IFT122: variants seen among roughly 807,000 people sequenced by gnomAD.
The protein encoded by IFT122 is intraflagellar transport protein 122 homolog.
Under a neutral mutation model 161.6 loss-of-function variants are expected in IFT122, and 118 were observed. The ratio of observed to expected loss-of-function variants is 0.73; its 90% CI spans 0.63 to 0.85. The LOEUF (loss-of-function observed/expected upper bound fraction) is 0.85, where lower values mean the gene tolerates loss of function less well. IFT122 is among the 40% of genes least tolerant of loss of function. IFT122 has a pLI of 0.00. For synonymous variants in IFT122, 550 were observed against 602.4 expected (o/e 0.91, Z 1.27); for missense variants, 1,381 against 1,579.6 (o/e 0.87, Z 2.13).
intron 4 of IFT122, chr3:129,460,884 C>G: frequency 6.2e-7 from 1 of 1,614,094 alleles, no homozygotes; most frequent in Non-Finnish European, 8.5e-7. Flanking sequence ...CATTGCACCT[C>G]CATCTTCCAT....
intron 3 of IFT122, among the ~76,000 whole-genome samples, chr3:129,453,159 G>T (rs2075055593): frequency 6.6e-6 from 1 of 152,188 alleles, no homozygotes; most frequent in Non-Finnish European, 1.5e-5. Flanking sequence ...TGTTGAGTAG[G>T]CAAGAGGAGA....
At chr3:129,480,061 T>C in intron 13 of IFT122, 139 bp downstream of exon 13, 2 of 1,108,384 alleles carry the variant, frequency 1.8e-6, no homozygotes, top group East Asian at 5.0e-5. Flanking sequence ...TGGGGCAGCC[T>C]GAGTTCAGTT....
At chr3:129,519,808 C>T (rs1019023299) in intron 29 of IFT122, 76 bp downstream of exon 29, 15 of 1,563,272 alleles carry the variant, frequency 9.6e-6, no homozygotes, top group South Asian at 6.7e-5. Context: ...CTCTGGGAGG[C>T]GTGGCCCCTG....
At chr3:129,475,472 A>G (rs2077812714) in intron 9 of IFT122, among the ~76,000 whole-genome samples, 1 of 152,126 alleles carries the variant, frequency 6.6e-6, no homozygotes, top group Non-Finnish European at 1.5e-5. Flanking sequence ...GACAACAAGG[A>G]GAAACACCGT....
chr3:129,497,045 C>T (rs2080941824), intron 18 of IFT122, among the ~76,000 whole-genome samples: 1 of 152,170 alleles, frequency 6.6e-6, no homozygotes, highest in African/African-American at 2.4e-5. Context: ...CTTTGGGAGG[C>T]TGAAGTGGGT....
In IFT122 at chr3:129,481,545, G is replaced by T. The variant is rs756772676; in HGVS notation, c.1504G>T (p.Val502Leu). 4.4e-6 allele frequency: 7 copies of T among 1,579,780 alleles called. No homozygotes were observed. The highest frequency in any genetic ancestry group is 4.0e-5 in the African/African-American group (3 of 74,166). Residue 502 changes from valine (V) to leucine (L), a missense_variant, in exon 14 of 30, where the codon GTG (valine) becomes TTG (leucine). Val to Leu is a conservative substitution (Grantham distance 32). This residue lies in a region of IFT122 where 544 missense variants were observed against 648.0 expected (regional missense o/e 0.84). Coordinates refer to ENST00000348417, the MANE Select transcript of IFT122 (RefSeq NM_052989.3). ...ATTTTGCCAGATCCTGAAGATCTTC[G>T]TGGACAATCTCTTTGCTATCGTCCT... ...LKNGQILKIF[V>L]DNLFAIVLLK...
At chr3:129,482,294 A>G (rs1431441657) in intron 14 of IFT122, among the ~76,000 whole-genome samples, 2 of 152,228 alleles carry the variant, frequency 1.3e-5, no homozygotes, top group Non-Finnish European at 2.9e-5. Flanking sequence ...GTGTGTCACC[A>G]GAGAAGACAG....
intron 14 of IFT122, among the ~76,000 whole-genome samples, chr3:129,483,144 A>G (rs1577689743): frequency 6.6e-6 from 1 of 152,188 alleles, no homozygotes; most frequent in Non-Finnish European, 1.5e-5. Context: ...ATTTTTTCTC[A>G]TTATAAAAAA....
At position 129,476,945 on chromosome 3, in the gene IFT122, CTTTTTTT is replaced by C. The variant is rs952499116; in HGVS notation, c.1147+154_1147+160del. The C allele has an allele frequency of 1.1e-5, 7 of 643,322 alleles. No homozygotes were observed. The Admixed American group carries it at 1.2e-4, about 11-fold the overall frequency. The allele number at this position is 643,322 out of a possible 1,614,324, so 39.9% of individuals were successfully genotyped here. On this transcript the variant is annotated intron_variant, in intron 11 of 29. Transcript: ENST00000348417. ...AGCCACTGGGTCTGTGTCTTGTTTT[CTTTTTTT>C]TTTTTTTTTGGTGGGGGAAGTAGGG...
chr3:129,483,486 A>C lies in IFT122; in HGVS notation c.1655A>C (p.Glu552Ala), dbSNP rs1158378886. ...DIDTKELLFQ[E>A]PNANSVAWNT... is the part of the protein sequence containing the mutation. ...ATCCCCACTGTCCCTGTTCCCCAGG[A>C]ACCAAACGCCAACAGTGTAGCTTGG... is the stretch of plus-strand genomic sequence containing the variant. The change falls in exon 15 of 30, where the codon GAA becomes GCA. Residue 552 changes from glutamate (E) to alanine (A), a missense_variant and splice_region_variant. This residue lies in a region of IFT122 where 544 missense variants were observed against 648.0 expected (regional missense o/e 0.84). Coordinates refer to ENST00000348417, the MANE Select transcript of IFT122 (RefSeq NM_052989.3). The C allele has an allele frequency of 1.9e-6, 3 of 1,613,832 alleles. No individual in the cohort carries two copies. Among genetic ancestry groups the C allele is most frequent in the Non-Finnish European group, 2.5e-6 (3 of 1,179,980 alleles).
At chr3:129,460,005 C>G (rs540606799) in intron 4 of IFT122, among the ~76,000 whole-genome samples, 1 of 151,666 alleles carries the variant, frequency 6.6e-6, no homozygotes, top group Non-Finnish European at 1.5e-5. Flanking sequence ...TCAAGCAGTC[C>G]TCTCAAAGTA....
chr3:129,458,177 G>A (rs2075760803), intron 3 of IFT122, among the ~76,000 whole-genome samples: 1 of 152,086 alleles, frequency 6.6e-6, no homozygotes, highest in African/African-American at 2.4e-5. Flanking sequence ...ATTATTATTT[G>A]TCAAAAATAA....
chr3:129,503,647 T>C (rs796377772), intron 20 of IFT122, among the ~76,000 whole-genome samples: 7 of 152,304 alleles, frequency 4.6e-5, no homozygotes, highest in African/African-American at 1.7e-4. Context: ...GTCTGACTGT[T>C]GTCTGCTCTC....
intron 13 of IFT122, 118 bp downstream of exon 13, chr3:129,480,040 T>A (rs1022784945): frequency 1.6e-6 from 2 of 1,278,858 alleles, no homozygotes; most frequent in Non-Finnish European, 1.1e-6. Flanking sequence ...CTCTCCTCCA[T>A]GGGTGAATTG....
rs148202272 is a variant in IFT122 at position 129,475,487 on chromosome 3, G to A, written c.817-828G>A. 2.8e-4 allele frequency among the ~76,000 whole-genome samples: 43 copies of A among 152,216 alleles called. 2 individuals carry two copies. The East Asian group carries it at 7.3e-3, about 26-fold the overall frequency. On this transcript the variant is annotated intron_variant, in intron 9 of 29. Coordinates refer to ENST00000348417, the MANE Select transcript of IFT122 (RefSeq NM_052989.3). ...GACAACAAGGAGAAACACCGTCTCT[G>A]CAAAAAATACAAAAATTAGCCAGGC...
intron 4 of IFT122, 82 bp downstream of exon 4, chr3:129,458,759 A>T: frequency 8.8e-7 from 1 of 1,130,726 alleles, no homozygotes; most frequent in Admixed American, 1.7e-5. Context: ...AAGATGTAGG[A>T]GAAAACTTTT....
chr3:129,501,209 C>G (rs1480805590), intron 19 of IFT122, among the ~76,000 whole-genome samples: 1 of 152,142 alleles, frequency 6.6e-6, no homozygotes, highest in Non-Finnish European at 1.5e-5. Flanking sequence ...TGTGCACACA[C>G]ACGTGCACAT....
At position 129,517,468 on chromosome 3, in the gene IFT122, G is replaced by T; in HGVS notation, c.3266-1G>T. On this transcript the variant is annotated splice_acceptor_variant, in intron 26 of 29. Transcript: ENST00000348417. LOFTEE classifies it high-confidence loss of function. The stretch of plus-strand genomic sequence containing the variant: ...CTCAGCCCTTTCTCTATGCCCTCCA[G>T]ACGTGCTACACCTGGTTGAGTTCTA... The T allele has an allele frequency of 6.2e-7, 1 of 1,613,564 alleles. No individual in the cohort carries two copies. Among genetic ancestry groups the T allele is most frequent in the South Asian group, 1.1e-5 (1 of 91,028 alleles).
At chr3:129,454,447 A>G (rs1030696462) in intron 3 of IFT122, among the ~76,000 whole-genome samples, 1 of 150,856 alleles carries the variant, frequency 6.6e-6, no homozygotes, top group Non-Finnish European at 1.5e-5. Context: ...CATGCAGCAG[A>G]TTGGCCCAAA....
Sources: gnomAD v4.1 joint callset for allele counts (sites outside exome capture counted in the v4.1 genomes callset) on GRCh38, gnomAD v4.1.1 for gene constraint, gnomAD v4.1.1 regional missense constraint, MANE v1.5 for transcripts, NCBI Gene and HGNC (gene_info 2026-07-23, HGNC 2026-07-21) for gene names.